Variants in PTPN9 observed in about 807,000 individuals in gnomAD.
PTPN9 encodes tyrosine-protein phosphatase non-receptor type 9.
PTPN9 carries 26 observed loss-of-function variants against 69.8 expected under a neutral mutation model. That is an observed-to-expected ratio of 0.37 (90% CI 0.27 to 0.52). The LOEUF is 0.52. Among genes scored for constraint, PTPN9 ranks in the 20% least tolerant of loss-of-function variants. The pLI is 0.91. For missense variants in PTPN9, 549 were observed against 740.3 expected (o/e 0.74, Z 3.00); for synonymous variants, 274 against 272.5 (o/e 1.01, Z -0.05).
At chr15:75,558,672 G>A (rs897825350) in intron 1 of PTPN9, among the ~76,000 whole-genome samples, 8 of 152,232 alleles carry the variant, frequency 5.3e-5, no homozygotes, top group African/African-American at 1.9e-4. Context: ...GCGACTGCAG[G>A]CGCGCGCCGC....
At chr15:75,547,276 C>T (rs1211640013) in intron 1 of PTPN9, among the ~76,000 whole-genome samples, 1 of 117,056 alleles carries the variant, frequency 8.5e-6, no homozygotes, top group Non-Finnish European at 1.6e-5. Flanking sequence ...GCTTGGCCGA[C>T]AGAGCAAGAC....
chr15:75,571,191 C>A (rs949973299), intron 1 of PTPN9, among the ~76,000 whole-genome samples: 4 of 151,828 alleles, frequency 2.6e-5, no homozygotes, highest in African/African-American at 9.7e-5. Flanking sequence ...ACCCGGGAGG[C>A]GGCGGTTGCA....
intron 8 of PTPN9, among the ~76,000 whole-genome samples, chr15:75,484,789 A>G (rs1011594640): frequency 2.0e-5 from 3 of 152,120 alleles, no homozygotes; most frequent in Non-Finnish European, 2.9e-5. Flanking sequence ...TCTTTCCTCA[A>G]CCTATCACTC....
intron 1 of PTPN9, among the ~76,000 whole-genome samples, chr15:75,562,333 C>T (rs983392958): frequency 3.3e-5 from 5 of 152,156 alleles, no homozygotes; most frequent in African/African-American, 1.2e-4. Context: ...GTAGCCACAC[C>T]TCTACAGGGA....
intron 1 of PTPN9, among the ~76,000 whole-genome samples, chr15:75,530,758 A>C (rs1369274090): frequency 1.2e-5 from 1 of 81,000 alleles, no homozygotes; most frequent in East Asian, 3.0e-4. Flanking sequence ...ATATAATATA[A>C]TATATTATTA....
rs553147500 is a variant in PTPN9 at position 75,506,570 on chromosome 15, C to T, written c.640-567G>A. ...TTTCACCCAGCCTGGAGTGTAGTGG[C>T]GTGATGAAGGCTCACTGCAGCCTCA... On this transcript the variant is annotated intron_variant, in intron 6 of 12. Coordinates refer to ENST00000618819, the MANE Select transcript of PTPN9 (RefSeq NM_002833.4). Among the ~76,000 whole-genome samples, 6 of 152,112 alleles carry T rather than the reference C, an allele frequency of 3.9e-5. No individual in the cohort carries two copies. In the South Asian group the frequency reaches 6.2e-4, roughly 16 times the overall value.
chr15:75,510,771 C>T (rs921488033), intron 5 of PTPN9, among the ~76,000 whole-genome samples: 1 of 151,742 alleles, frequency 6.6e-6, no homozygotes, highest in Non-Finnish European at 1.5e-5. Flanking sequence ...CAATTATTGG[C>T]GTTAAGTATG....
At chr15:75,490,143 G>C in intron 8 of PTPN9, 65 bp downstream of exon 8, 2 of 1,259,358 alleles carry the variant, frequency 1.6e-6, no homozygotes, top group Non-Finnish European at 2.3e-6. Flanking sequence ...GTATTAGTAA[G>C]CTTCACTTTG....
At chr15:75,514,656 G>A (rs1013229649) in intron 5 of PTPN9, among the ~76,000 whole-genome samples, 1 of 152,166 alleles carries the variant, frequency 6.6e-6, no homozygotes, top group Non-Finnish European at 1.5e-5. Flanking sequence ...ACAGTTTACT[G>A]TGCGCACACA....
At chr15:75,504,091 C>T (rs1191423317) in intron 7 of PTPN9, among the ~76,000 whole-genome samples, 1 of 123,548 alleles carries the variant, frequency 8.1e-6, no homozygotes, top group Non-Finnish European at 1.7e-5. Context: ...GGGATCAGCA[C>T]CCCGCCCGGA....
chr15:75,464,858 T>C lies in PTPN9; in HGVS notation c.*3911A>G, dbSNP rs1443748143. 4 of 152,198 alleles carry C rather than the reference T, an allele frequency of 2.6e-5. No individual in the cohort carries two copies. The highest frequency in any genetic ancestry group is 2.0e-4 in the Admixed American group (3 of 15,264). The allele number at this position is 152,198 out of a possible 1,614,324, so 9.4% of individuals were successfully genotyped here. Reference sequence around the variant, plus strand: ...CTGCATACTGTCACATGAAGACTGATAAGGGTGGGCCTCCGAGGCTGAGGA... The same window carrying C: ...CTGCATACTGTCACATGAAGACTGACAAGGGTGGGCCTCCGAGGCTGAGGA... On this transcript the variant is annotated 3_prime_UTR_variant, in exon 13 of 13. Coordinates refer to ENST00000618819, the MANE Select transcript of PTPN9 (RefSeq NM_002833.4).
At chr15:75,488,529 C>A (rs568208904) in intron 8 of PTPN9, among the ~76,000 whole-genome samples, 2 of 152,278 alleles carry the variant, frequency 1.3e-5, no homozygotes, top group South Asian at 4.1e-4. Flanking sequence ...GGCACACCGG[C>A]TCATGCCTGT....
intron 1 of PTPN9, among the ~76,000 whole-genome samples, chr15:75,568,781 G>A (rs956714623): frequency 1.3e-5 from 2 of 151,658 alleles, no homozygotes; most frequent in African/African-American, 2.4e-5. Flanking sequence ...AGGCTGCAGC[G>A]AGCTAGGATC....
chr15:75,574,833 T>C (rs558316078), intron 1 of PTPN9, among the ~76,000 whole-genome samples: 9 of 147,382 alleles, frequency 6.1e-5, no homozygotes, highest in Non-Finnish European at 1.3e-4. Flanking sequence ...TCCCAGCTAC[T>C]AGGGTGGCTG....
In PTPN9 at chr15:75,468,683, G is replaced by T; in HGVS notation, c.*86C>A. 8.4e-7 allele frequency: 1 copy of T among 1,192,704 alleles called. No individual in the cohort carries two copies. Among genetic ancestry groups the T allele is most frequent in the Non-Finnish European group, 1.2e-6 (1 of 824,958 alleles). 73.9% of individuals were successfully genotyped at this position (1,192,704 alleles called of 1,614,324 possible). ...AGAAAGAAGTTGATCCATGGCTTCA[G>T]CGTAACTGATGGCAACCTATAGGCT... On this transcript the variant is annotated 3_prime_UTR_variant, in exon 13 of 13. Transcript: ENST00000618819.
At chr15:75,522,828 C>T (rs1156628472) in intron 4 of PTPN9, among the ~76,000 whole-genome samples, 1 of 152,116 alleles carries the variant, frequency 6.6e-6, no homozygotes, top group South Asian at 2.1e-4. Flanking sequence ...AGGTCATCTC[C>T]CCCTCATTCT....
intron 1 of PTPN9, 92 bp from the exon 2 acceptor site, chr15:75,527,353 C>T (rs1452366524): frequency 6.2e-6 from 9 of 1,446,110 alleles, no homozygotes; most frequent in Non-Finnish European, 8.5e-6. Flanking sequence ...ATCCCTTCTC[C>T]AAGCAAGTCT....
At chr15:75,547,582 C>G (rs1457580750) in intron 1 of PTPN9, among the ~76,000 whole-genome samples, 1 of 152,126 alleles carries the variant, frequency 6.6e-6, no homozygotes, top group Non-Finnish European at 1.5e-5. Flanking sequence ...ACTGGCTATC[C>G]TTGAAGGCAT....
At chr15:75,527,034 C>A in intron 2 of PTPN9, 84 bp downstream of exon 2, 2 of 1,505,800 alleles carry the variant, frequency 1.3e-6, no homozygotes, top group South Asian at 1.2e-5. Flanking sequence ...ACTTAGAGAA[C>A]CAATGTGTGT....
Sources: gnomAD v4.1 joint callset for allele counts (sites outside exome capture counted in the v4.1 genomes callset) on GRCh38, gnomAD v4.1.1 for gene constraint, MANE v1.5 for transcripts, NCBI Gene and HGNC (gene_info 2026-07-23, HGNC 2026-07-21) for gene names.